SNX2: variants seen among roughly 807,000 people sequenced by gnomAD.
SNX2 encodes sorting nexin-2.
Under a neutral mutation model 69.9 loss-of-function variants are expected in SNX2, and 25 were observed. The ratio of observed to expected loss-of-function variants is 0.36; its 90% CI spans 0.26 to 0.50. The LOEUF (loss-of-function observed/expected upper bound fraction) is 0.50. SNX2 is among the 20% of genes least tolerant of loss of function. The pLI is 0.97. For synonymous variants in SNX2, 229 were observed against 200.4 expected (o/e 1.14, Z -1.20); for missense variants, 551 against 613.3 (o/e 0.90, Z 1.07).
intron 10 of SNX2, 85 bp downstream of exon 10, chr5:122,817,458 G>GC: frequency 1.2e-6 from 1 of 833,536 alleles, no homozygotes; most frequent in Non-Finnish European, 1.8e-6. Context: ...TAAATATTCT[G>GC]AAGTTATTGC....
At chr5:122,801,839 T>G in intron 3 of SNX2, 30 bp from the exon 4 acceptor site, 1 of 1,354,958 alleles carries the variant, frequency 7.4e-7, no homozygotes, top group Non-Finnish European at 1.0e-6. Context: ...TTATAATTTT[T>G]AATGCCAAAA....
At chr5:122,810,272 C>T (rs912744976) in intron 7 of SNX2, among the ~76,000 whole-genome samples, 31 of 150,184 alleles carry the variant, frequency 2.1e-4, no homozygotes, top group African/African-American at 6.7e-4. Flanking sequence ...TGCGGAAGGC[C>T]GCAGGGTCCT....
At chr5:122,796,294 A>G (rs1403874537) in intron 2 of SNX2, among the ~76,000 whole-genome samples, 5 of 152,234 alleles carry the variant, frequency 3.3e-5, no homozygotes, top group Non-Finnish European at 7.3e-5. Context: ...TAGTGGTTCA[A>G]TATTCAAACC....
intron 11 of SNX2, among the ~76,000 whole-genome samples, chr5:122,819,608 G>C (rs528760542): frequency 1.3e-5 from 2 of 152,288 alleles, no homozygotes; most frequent in Admixed American, 1.3e-4. Flanking sequence ...GTAAAAATTA[G>C]TATTCTGCAG....
At chr5:122,824,203 A>G (rs1304725335) in intron 11 of SNX2, among the ~76,000 whole-genome samples, 3 of 7,600 alleles carry the variant, frequency 3.9e-4, no homozygotes, top group East Asian at 0.071. Context: ...CTCTGTCTCA[A>G]AAAAAAAAAA....
intron 11 of SNX2, among the ~76,000 whole-genome samples, chr5:122,821,576 T>C (rs910253798): frequency 4.6e-5 from 7 of 152,014 alleles, no homozygotes; most frequent in Admixed American, 4.6e-4. Context: ...TGCCTCAGCC[T>C]TCCGAGTAGC....
chr5:122,815,921 C>G lies in SNX2; in HGVS notation c.748C>G (p.Pro250Ala). 2 of 1,602,564 alleles carry G rather than the reference C, an allele frequency of 1.2e-6. No individual in the cohort carries two copies. Among genetic ancestry groups the G allele is most frequent in the Non-Finnish European group, 1.7e-6 (2 of 1,173,398 alleles). Residue 250 changes from proline to alanine, a missense_variant, in exon 8 of 15, where the codon CCA becomes GCA. Transcript: ENST00000379516. Reference protein sequence around the residue: ...ERYLQRTVKHPTLLQDPDLRQ... With the variant: ...ERYLQRTVKHATLLQDPDLRQ... ...GTATCTTCAAAGAACAGTAAAACAT[C>G]CAACTTTACTACAGGATCCTGATTT...
intron 1 of SNX2, among the ~76,000 whole-genome samples, chr5:122,785,127 G>A (rs1753056690): frequency 6.6e-6 from 1 of 151,808 alleles, no homozygotes; most frequent in South Asian, 2.1e-4. Flanking sequence ...TTTGGTAGAG[G>A]TTTGATATCC....
intron 11 of SNX2, among the ~76,000 whole-genome samples, chr5:122,825,382 T>A (rs1199100712): frequency 2.6e-5 from 4 of 152,100 alleles, no homozygotes; most frequent in Non-Finnish European, 4.4e-5. Context: ...TTGCCCTTGC[T>A]CTGCCAGACT....
chr5:122,785,391 A>G (rs983306174), intron 1 of SNX2, among the ~76,000 whole-genome samples: 3 of 151,752 alleles, frequency 2.0e-5, no homozygotes, highest in Non-Finnish European at 4.4e-5. Flanking sequence ...CAAGTGAGCC[A>G]CTTACCTTGG....
chr5:122,809,033 T>G (rs1389136914), intron 7 of SNX2, among the ~76,000 whole-genome samples: 2 of 152,112 alleles, frequency 1.3e-5, no homozygotes, highest in African/African-American at 4.8e-5. Flanking sequence ...GTGCCTTATT[T>G]GTGGATTCAA....
intron 1 of SNX2, among the ~76,000 whole-genome samples, chr5:122,789,497 A>ACACC: frequency 7.1e-6 from 1 of 140,234 alleles, no homozygotes; most frequent in South Asian, 2.2e-4. Flanking sequence ...ACACACACAC[A>ACACC]CACACACTCT....
In SNX2 at chr5:122,818,987, A is replaced by T. The variant is rs1753958962; in HGVS notation, c.1176A>T (p.Leu392=). 1.9e-6 allele frequency: 3 copies of T among 1,613,714 alleles called. No individual in the cohort carries two copies. Among genetic ancestry groups the T allele is most frequent in the Non-Finnish European group, 2.5e-6 (3 of 1,179,826 alleles). The change falls in exon 11 of 15, where the codon CTA becomes CTT. Residue 392 remains leucine, a synonymous_variant. Coordinates refer to ENST00000379516, the MANE Select transcript of SNX2 (RefSeq NM_003100.4). ...CTGACTTTTATATGTTTTCAGAACT[A>T]CTTAGTGACTACATTCGTCTTATTG... ...AFADFYMFSE[L]LSDYIRLIAA...
At chr5:122,809,506 C>G (rs1485005252) in intron 7 of SNX2, among the ~76,000 whole-genome samples, 2 of 152,182 alleles carry the variant, frequency 1.3e-5, no homozygotes, top group African/African-American at 2.4e-5. Context: ...GCTATGCTGA[C>G]AAAGTGAGAA....
Position 122,827,677 on chromosome 5 carries a change from C to G in SNX2, c.1509+31C>G, listed in dbSNP as rs770143294. The G allele has an allele frequency of 2.7e-6, 4 of 1,502,772 alleles. No homozygotes were observed. The African/African-American group carries it at 5.6e-5, about 21-fold the overall frequency. The allele number at this position is 1,502,772 out of a possible 1,614,324, so 93.1% of individuals were successfully genotyped here. A position where few individuals can be genotyped will look rare whatever the true frequency, so the allele number is the denominator to read the frequency against. On this transcript the variant is annotated intron_variant, in intron 14 of 14. Transcript: ENST00000379516. Reference sequence around the variant, plus strand: ...CCATTTTTGTTTATAACTTAAACTTCTAGAATTTGTTTTTGGTATACTTTC... The same window carrying G: ...CCATTTTTGTTTATAACTTAAACTTGTAGAATTTGTTTTTGGTATACTTTC...
chr5:122,780,151 G>A (rs1293270228), intron 1 of SNX2, among the ~76,000 whole-genome samples: 1 of 152,162 alleles, frequency 6.6e-6, no homozygotes, highest in Admixed American at 6.5e-5. Flanking sequence ...CTGCTGGATG[G>A]GCTAGAGATG....
Position 122,802,124 on chromosome 5 carries a change from G to A in SNX2, c.501G>A (p.Lys167=). 1 of 1,613,448 alleles carries A rather than the reference G, an allele frequency of 6.2e-7. No individual in the cohort carries two copies. Among genetic ancestry groups the A allele is most frequent in the Non-Finnish European group, 8.5e-7 (1 of 1,179,586 alleles). The change falls in exon 5 of 15, where the codon AAG becomes AAA. Residue 167 remains lysine (K), a splice_region_variant and synonymous_variant. Coordinates refer to ENST00000379516, the MANE Select transcript of SNX2 (RefSeq NM_003100.4). Reference sequence around the variant, plus strand: ...ATATGGCATATAGAGTAACAACAAAGGTGAGCTTTTTGTGCTTTTAAAAAA... The same window carrying A: ...ATATGGCATATAGAGTAACAACAAAAGTGAGCTTTTTGTGCTTTTAAAAAA... ...NAYMAYRVTT[K]TSLSMFSKSE...
intron 6 of SNX2, among the ~76,000 whole-genome samples, chr5:122,805,628 A>G (rs1420726247): frequency 1.3e-5 from 2 of 152,016 alleles, no homozygotes; most frequent in African/African-American, 2.4e-5. Flanking sequence ...GGATGGTTCA[A>G]TCCAAAGTGT....
At chr5:122,783,595 A>C (rs997984455) in intron 1 of SNX2, among the ~76,000 whole-genome samples, 3 of 152,136 alleles carry the variant, frequency 2.0e-5, no homozygotes, top group Non-Finnish European at 2.9e-5. Flanking sequence ...TGAACTGACC[A>C]TATATATGTG....
Sources: gnomAD v4.1 joint callset for allele counts (sites outside exome capture counted in the v4.1 genomes callset) on GRCh38, gnomAD v4.1.1 for gene constraint, MANE v1.5 for transcripts, NCBI Gene and HGNC (gene_info 2026-07-23, HGNC 2026-07-21) for gene names.